The following PCSK5 variants were observed in gnomAD, a reference collection of about 807,000 sequenced individuals.
PCSK5 encodes the protein prohormone convertase 5.
A neutral mutation model predicts 233.2 loss-of-function variants in PCSK5; 129 were observed. That is an observed-to-expected ratio of 0.55 (90% confidence interval 0.48 to 0.64). The LOEUF (loss-of-function observed/expected upper bound fraction) is 0.64. PCSK5 is among the 30% of genes least tolerant of loss of function. The pLI is 0.00. For missense variants in PCSK5, 2,076 were observed against 2,430.1 expected (o/e 0.85, Z 3.06); for synonymous variants, 825 against 879.2 (o/e 0.94, Z 1.09).
chr9:76,141,850 C>A (rs1823238581), intron 10 of PCSK5, among the ~76,000 whole-genome samples: 1 of 152,046 alleles, frequency 6.6e-6, no homozygotes, highest in Non-Finnish European at 1.5e-5. Flanking sequence ...GAGCTGGAGG[C>A]CATTATCCTT....
At position 76,310,705 on chromosome 9, in the gene PCSK5, A is replaced by G. The variant is rs1399366410; in HGVS notation, c.3738A>G (p.Thr1246=). Residue 1246 remains threonine, a synonymous_variant, in exon 30 of 38, where the codon ACA becomes ACG. Transcript: ENST00000674117. ...GTGTTTCCTCCTGTCCCCAAGGCAC[A>G]TGGCCTTCCGTAAGGAGTGGGAGCT... is the stretch of plus-strand genomic sequence containing the variant. ...QACVSSCPQG[T]WPSVRSGSCE... is the part of the protein sequence containing the mutation. 1 of 1,610,804 alleles carries G rather than the reference A, an allele frequency of 6.2e-7. No homozygotes were observed. Among genetic ancestry groups the G allele is most frequent in the East Asian group, 2.2e-5 (1 of 44,784 alleles).
chr9:76,114,271 TG>T (rs1428092701), intron 9 of PCSK5, among the ~76,000 whole-genome samples: 1 of 152,162 alleles, frequency 6.6e-6, no homozygotes, highest in Non-Finnish European at 1.5e-5. Flanking sequence ...TGTACTGTCC[TG>T]AACTATTCCC....
intron 7 of PCSK5, among the ~76,000 whole-genome samples, chr9:76,084,813 G>A (rs938068724): frequency 1.3e-5 from 2 of 151,990 alleles, no homozygotes; most frequent in Non-Finnish European, 2.9e-5. Flanking sequence ...AACAAACAAG[G>A]GCCCATGGAA....
chr9:76,127,777 C>CTA (rs1454565949), intron 9 of PCSK5, among the ~76,000 whole-genome samples: 2 of 152,150 alleles, frequency 1.3e-5, no homozygotes, highest in East Asian at 3.9e-4. Flanking sequence ...CTTTGGTAGC[C>CTA]TATGATATGC....
chr9:76,158,993 C>T lies in PCSK5; in HGVS notation c.1441C>T (p.Pro481Ser). 1 of 1,613,824 alleles carries T rather than the reference C, an allele frequency of 6.2e-7. No individual in the cohort carries two copies. The highest frequency in any genetic ancestry group is 8.5e-7 in the Non-Finnish European group (1 of 1,179,794). Residue 481 changes from proline to serine, a missense_variant, in exon 12 of 38, where the codon CCT becomes TCT. Transcript: ENST00000674117. ...STDRQIKTIR[P>S]NSAVRSIYKA... ...CTCTCTCTGTTACAGGACAATCCGC[C>T]CTAACAGTGCAGTGCGCTCCATCTA...
intron 20 of PCSK5, among the ~76,000 whole-genome samples, chr9:76,205,608 G>A (rs2131276794): frequency 6.6e-6 from 1 of 152,306 alleles, no homozygotes; most frequent in East Asian, 1.9e-4. Context: ...TAGGGACCAT[G>A]TCTAACATTG....
chr9:76,034,241 T>C (rs1014044829), intron 5 of PCSK5, among the ~76,000 whole-genome samples: 6 of 152,074 alleles, frequency 3.9e-5, no homozygotes, highest in African/African-American at 1.4e-4. Flanking sequence ...GTAGTAGCTC[T>C]CAAAAGCCTT....
At chr9:75,936,094 G>A (rs372286149) in intron 2 of PCSK5, among the ~76,000 whole-genome samples, 235 of 152,216 alleles carry the variant, frequency 1.5e-3, no homozygotes, top group African/African-American at 5.1e-3. Flanking sequence ...ATAGCATTAC[G>A]TCTGAAAAAT....
At chr9:76,005,306 TAC>T (rs1827430207) in intron 3 of PCSK5, among the ~76,000 whole-genome samples, 1 of 152,204 alleles carries the variant, frequency 6.6e-6, no homozygotes, top group Non-Finnish European at 1.5e-5. Flanking sequence ...AATTTGATAA[TAC>T]AGTTAGGTTA....
Position 76,221,574 on chromosome 9 carries a change from T to C in PCSK5, c.2627-5929T>C, listed in dbSNP as rs187169022. On this transcript the variant is annotated intron_variant, in intron 20 of 37. Coordinates refer to ENST00000674117, the MANE Select transcript of PCSK5 (RefSeq NM_001372043.1). Reference sequence around the variant, plus strand: ...GCACTTGTAATACAGTAGGCATCCATGAATAGGAGCTTGTATGATTGCTAC... The same window carrying C: ...GCACTTGTAATACAGTAGGCATCCACGAATAGGAGCTTGTATGATTGCTAC... Among the ~76,000 whole-genome samples, 3 of 152,330 alleles carry C rather than the reference T, an allele frequency of 2.0e-5. No individual in the cohort carries two copies. The East Asian group carries it at 5.8e-4, about 29-fold the overall frequency.
At chr9:76,331,822 T>G (rs544058057) in intron 33 of PCSK5, among the ~76,000 whole-genome samples, 71 of 152,132 alleles carry the variant, frequency 4.7e-4, no homozygotes, top group African/African-American at 1.7e-3. Flanking sequence ...CTCTAGCAAG[T>G]GGAAAAGGAA....
At chr9:76,230,846 A>G (rs567987830) in intron 21 of PCSK5, among the ~76,000 whole-genome samples, 2 of 152,150 alleles carry the variant, frequency 1.3e-5, no homozygotes, top group East Asian at 3.9e-4. Flanking sequence ...TTGCAGGAAA[A>G]CAAGCTCAGG....
At chr9:76,264,392 G>A (rs1028149738) in intron 24 of PCSK5, among the ~76,000 whole-genome samples, 1 of 152,096 alleles carries the variant, frequency 6.6e-6, no homozygotes, top group Non-Finnish European at 1.5e-5. Context: ...CTGGATATGG[G>A]TCTTGGGAAG....
intron 2 of PCSK5, among the ~76,000 whole-genome samples, chr9:75,940,974 T>C (rs1824276360): frequency 6.6e-6 from 1 of 152,200 alleles, no homozygotes; most frequent in African/African-American, 2.4e-5. Flanking sequence ...TAACATGGCT[T>C]ACATTTCTGC....
chr9:75,955,131 G>C (rs765999733), intron 2 of PCSK5, among the ~76,000 whole-genome samples: 8 of 152,134 alleles, frequency 5.3e-5, no homozygotes, highest in Admixed American at 3.9e-4. Flanking sequence ...TAAACCTTCT[G>C]TCAATCGATG....
intron 24 of PCSK5, among the ~76,000 whole-genome samples, chr9:76,248,963 A>T (rs1826708090): frequency 6.6e-6 from 1 of 152,090 alleles, no homozygotes; most frequent in Non-Finnish European, 1.5e-5. Context: ...GGGTCTAGCT[A>T]TGTTGCCCAG....
intron 3 of PCSK5, among the ~76,000 whole-genome samples, chr9:76,011,679 A>C (rs950352726): frequency 1.3e-5 from 2 of 152,150 alleles, no homozygotes; most frequent in Admixed American, 6.5e-5. Flanking sequence ...TTTGTTTCCA[A>C]ATTTTTATTT....
chr9:76,130,582 C>G (rs10869704), intron 9 of PCSK5, among the ~76,000 whole-genome samples: 26,053 of 152,162 alleles, frequency 0.17, 2,614 homozygotes, highest in East Asian at 0.35. Context: ...GCACATAAAA[C>G]ATACACTGCC....
At chr9:76,044,248 G>T (rs1482249809) in intron 5 of PCSK5, among the ~76,000 whole-genome samples, 1 of 152,162 alleles carries the variant, frequency 6.6e-6, no homozygotes, top group Non-Finnish European at 1.5e-5. Flanking sequence ...TCAGGAATAT[G>T]AATAGTAAAT....
Sources: gnomAD v4.1 joint callset for allele counts (sites outside exome capture counted in the v4.1 genomes callset) on GRCh38, gnomAD v4.1.1 for gene constraint, MANE v1.5 for transcripts, NCBI Gene and HGNC (gene_info 2026-07-23, HGNC 2026-07-21) for gene names.